RYR2: variants seen among roughly 807,000 people sequenced by gnomAD.
RYR2 encodes the protein cardiac muscle ryanodine receptor-calcium release channel.
Under a neutral mutation model 601.1 loss-of-function variants are expected in RYR2, and 227 were observed. The observed-to-expected ratio is 0.38, with a 90% confidence interval of 0.34 to 0.42. RYR2 has a LOEUF of 0.42. Among genes scored for constraint, RYR2 ranks in the 10% least tolerant of loss-of-function variants. The pLI is 1.00. For missense variants in RYR2, 4,646 were observed against 6,156.5 expected (o/e 0.75, Z 8.21); for synonymous variants, 2,223 against 2,175.1 (o/e 1.02, Z -0.61).
intron 1 of RYR2, among the ~76,000 whole-genome samples, chr1:237,257,915 G>A (rs1414519652): frequency 1.3e-5 from 2 of 152,122 alleles, no homozygotes; most frequent in Non-Finnish European, 2.9e-5. Flanking sequence ...TGTAATCCCA[G>A]CACTTTGGGA....
rs1312316883 is a variant in RYR2, at chr1:237,728,633, A to G, written c.10838+1434A>G. On this transcript the variant is annotated intron_variant, in intron 76 of 104. Transcript: ENST00000366574. ...AAAAGAATGAGTTCATGTCCCTTGC[A>G]GGGACATGGATAAAGCTGGAAACCA... Among the ~76,000 whole-genome samples the G allele has an allele frequency of 2.6e-5, 4 of 152,270 alleles. No homozygotes were observed. In the South Asian group the frequency reaches 6.2e-4, roughly 24 times the overall value.
At chr1:237,600,784 AC>A (rs747439900) in intron 34 of RYR2, among the ~76,000 whole-genome samples, 51 of 152,168 alleles carry the variant, frequency 3.4e-4, no homozygotes, top group Non-Finnish European at 5.9e-4. Flanking sequence ...GGGGCAAAAG[AC>A]CTTAATAAAC....
chr1:237,589,094 G>A (rs1431344301), intron 29 of RYR2, among the ~76,000 whole-genome samples: 1 of 152,086 alleles, frequency 6.6e-6, no homozygotes, highest in Non-Finnish European at 1.5e-5. Context: ...CATTGCTATT[G>A]CATATAAACA....
chr1:237,689,497 G>A (rs1300010974), intron 63 of RYR2, among the ~76,000 whole-genome samples: 1 of 152,040 alleles, frequency 6.6e-6, no homozygotes, highest in East Asian at 1.9e-4. Context: ...ATTTAAGTTT[G>A]GTTATTGAAG....
chr1:237,123,736 C>T (rs908357158), intron 1 of RYR2, among the ~76,000 whole-genome samples: 30 of 138,522 alleles, frequency 2.2e-4, no homozygotes, highest in Admixed American at 3.3e-4. Flanking sequence ...GGTGCAATCT[C>T]GGCTCACTGC....
intron 101 of RYR2, among the ~76,000 whole-genome samples, chr1:237,821,583 G>T (rs1163874962): frequency 6.6e-6 from 1 of 152,036 alleles, no homozygotes; most frequent in Non-Finnish European, 1.5e-5. Flanking sequence ...AGCACAAAAA[G>T]ACTGAAAATT....
At chr1:237,584,895 C>T (rs1674353253) in intron 29 of RYR2, among the ~76,000 whole-genome samples, 2 of 129,838 alleles carry the variant, frequency 1.5e-5, no homozygotes, top group South Asian at 2.3e-4. Context: ...CCAGAGTCAA[C>T]CTAATTTGTT....
chr1:237,408,958 TTAAA>T (rs1448376012), intron 10 of RYR2, among the ~76,000 whole-genome samples: 2 of 152,086 alleles, frequency 1.3e-5, no homozygotes, highest in African/African-American at 4.8e-5. Flanking sequence ...TATTTTTACT[TTAAA>T]TACGTGTTGT....
chr1:237,101,603 C>G (rs1668113824), intron 1 of RYR2, among the ~76,000 whole-genome samples: 1 of 152,156 alleles, frequency 6.6e-6, no homozygotes, highest in South Asian at 2.1e-4. Flanking sequence ...GTTTAAAGTA[C>G]ACACGCACAT....
intron 1 of RYR2, among the ~76,000 whole-genome samples, chr1:237,087,683 C>T (rs764107981): frequency 3.9e-5 from 6 of 151,950 alleles, no homozygotes; most frequent in Non-Finnish European, 5.9e-5. Flanking sequence ...ACCACATTCT[C>T]GAATTTGAGA....
intron 81 of RYR2, 87 bp downstream of exon 81, chr1:237,756,474 G>C (rs981731551): frequency 2.4e-5 from 19 of 793,482 alleles, no homozygotes; most frequent in African/African-American, 1.6e-4. Context: ...CAATTCCACT[G>C]ACTCATTTAG....
chr1:237,189,992 C>T (rs1356612210), intron 1 of RYR2, among the ~76,000 whole-genome samples: 1 of 151,892 alleles, frequency 6.6e-6, no homozygotes, highest in Non-Finnish European at 1.5e-5. Flanking sequence ...CCTGCCTCAG[C>T]CTCCCAAGTA....
intron 17 of RYR2, among the ~76,000 whole-genome samples, chr1:237,473,477 C>CTTTCTTTCTTTCTTCTTCTTTCTT (rs1553464755): frequency 2.7e-5 from 4 of 145,558 alleles, no homozygotes; most frequent in South Asian, 2.2e-4. Context: ...ATCTATCTAT[C>CTTTCTTTCTTTCTTCTTCTTTCTT]TGGCATATAT....
At chr1:237,828,225 T>C (rs1421675146) in intron 101 of RYR2, among the ~76,000 whole-genome samples, 156 bp from the exon 102 acceptor site, 1 of 152,206 alleles carries the variant, frequency 6.6e-6, no homozygotes, top group African/African-American at 2.4e-5. Flanking sequence ...CACCGCCTCC[T>C]TTCTCCTAGG....
chr1:237,718,421 C>T, intron 72 of RYR2, 41 bp from the exon 73 acceptor site: 2 of 1,017,682 alleles, frequency 2.0e-6, no homozygotes, highest in Non-Finnish European at 3.1e-6. Flanking sequence ...ACAGTTGATG[C>T]AATAGAAGAC....
intron 10 of RYR2, among the ~76,000 whole-genome samples, chr1:237,401,240 C>T (rs2149932149): frequency 6.6e-6 from 1 of 152,238 alleles, no homozygotes; most frequent in African/African-American, 2.4e-5. Flanking sequence ...TATTTTGTTT[C>T]AGCACCAACT....
chr1:237,465,920 C>T (rs1296804075), intron 16 of RYR2, among the ~76,000 whole-genome samples: 1 of 152,096 alleles, frequency 6.6e-6, no homozygotes, highest in African/African-American at 2.4e-5. Context: ...CATTGTTGAC[C>T]AAATCATTGT....
At chr1:237,071,378 C>T (rs1162423320) in intron 1 of RYR2, among the ~76,000 whole-genome samples, 1 of 152,154 alleles carries the variant, frequency 6.6e-6, no homozygotes, top group East Asian at 1.9e-4. Context: ...CACCTGTCGC[C>T]ATGCCCGGCT....
At chr1:237,565,469 T>C (rs561086675) in intron 27 of RYR2, among the ~76,000 whole-genome samples, 7 of 152,118 alleles carry the variant, frequency 4.6e-5, no homozygotes, top group Admixed American at 2.6e-4. Flanking sequence ...GGTACCACTA[T>C]GTTGCCCGGG....
Sources: gnomAD v4.1 joint callset for allele counts (sites outside exome capture counted in the v4.1 genomes callset) on GRCh38, gnomAD v4.1.1 for gene constraint, MANE v1.5 for transcripts, NCBI Gene and HGNC (gene_info 2026-07-23, HGNC 2026-07-21) for gene names.